The following ARHGAP20 variants were observed in gnomAD, a reference collection of about 807,000 sequenced individuals.
ARHGAP20 encodes the protein rho GTPase-activating protein 20.
A neutral mutation model predicts 73.7 loss-of-function variants in ARHGAP20; 34 were observed. That is an observed-to-expected ratio of 0.46 (90% CI 0.35 to 0.61). ARHGAP20 has a LOEUF of 0.61. ARHGAP20 is among the 20% of genes least tolerant of loss of function. The probability of loss-of-function intolerance (pLI) is 0.00; values close to 1 mark genes in which losing one functional copy is unlikely to be tolerated. For synonymous variants in ARHGAP20, 523 were observed against 518.2 expected (o/e 1.01, Z -0.13); for missense variants, 1,314 against 1,420.9 (o/e 0.92, Z 1.21).
At chr11:110,648,176 T>TC (rs1565457279) in intron 2 of ARHGAP20, among the ~76,000 whole-genome samples, 3 of 91,620 alleles carry the variant, frequency 3.3e-5, no homozygotes, top group African/African-American at 1.3e-4. Flanking sequence ...TATGTAAATA[T>TC]ATATATATAT....
intron 2 of ARHGAP20, among the ~76,000 whole-genome samples, chr11:110,662,494 T>G (rs1184939222): frequency 1.3e-5 from 2 of 151,930 alleles, no homozygotes; most frequent in African/African-American, 4.8e-5. Context: ...AAAACAAATC[T>G]TAAACAATTT....
intron 2 of ARHGAP20, among the ~76,000 whole-genome samples, chr11:110,681,151 T>A (rs1950029585): frequency 6.6e-6 from 1 of 152,210 alleles, no homozygotes; most frequent in East Asian, 1.9e-4. Flanking sequence ...TAGAGCCAAT[T>A]GGCATGTTAT....
chr11:110,657,673 T>C (rs942438538), intron 2 of ARHGAP20, among the ~76,000 whole-genome samples: 2 of 152,036 alleles, frequency 1.3e-5, no homozygotes, highest in East Asian at 3.9e-4. Context: ...GGTGGGCAGA[T>C]CACCTTAGGC....
chr11:110,615,884 G>C (rs1053986333), intron 4 of ARHGAP20, among the ~76,000 whole-genome samples: 3 of 152,136 alleles, frequency 2.0e-5, no homozygotes, highest in Non-Finnish European at 4.4e-5. Flanking sequence ...ATATCAGTGT[G>C]AGAGAGTTCC....
At chr11:110,612,068 C>A (rs953714560) in intron 6 of ARHGAP20, among the ~76,000 whole-genome samples, 5 of 152,084 alleles carry the variant, frequency 3.3e-5, no homozygotes, top group African/African-American at 1.2e-4. Flanking sequence ...AATACAATAT[C>A]TGTAATAGCT....
rs1244968475 is a variant in ARHGAP20, at chr11:110,677,635, ACT to A, written c.188+12910_188+12911del. On this transcript the variant is annotated intron_variant, in intron 2 of 14. Coordinates refer to ENST00000683387, the MANE Select transcript of ARHGAP20 (RefSeq NM_001384657.1). ...ACTCCAGCCTGAGTGACAGAGCAAG[ACT>A]CTGTCTCAGGAAAAACAAACAAATA... 3.3e-5 allele frequency among the ~76,000 whole-genome samples: 5 copies of A among 151,480 alleles called. No homozygotes were observed. The South Asian group carries it at 8.3e-4, about 25-fold the overall frequency.
chr11:110,638,321 T>A (rs956562138), intron 2 of ARHGAP20, among the ~76,000 whole-genome samples: 1 of 151,918 alleles, frequency 6.6e-6, no homozygotes, highest in African/African-American at 2.4e-5. Flanking sequence ...TAAGCAAATA[T>A]TCAAAAATTA....
rs371377120 is a variant in ARHGAP20 at position 110,579,321 on chromosome 11, T to C, written c.*49A>G. ...AGGGGTCATAATAATTATTGTCTATTATTATTAACCCAGTTCCTGTTCTTG... is the reference window on the plus strand; with the variant it reads ...AGGGGTCATAATAATTATTGTCTATCATTATTAACCCAGTTCCTGTTCTTG... On this transcript the variant is annotated 3_prime_UTR_variant, in exon 15 of 15. Transcript: ENST00000683387. 60 of 1,514,922 alleles carry C rather than the reference T, an allele frequency of 4.0e-5. No individual in the cohort carries two copies. The Middle Eastern group carries it at 7.2e-4, about 18-fold the overall frequency. The allele number at this position is 1,514,922 out of a possible 1,614,324, so 93.8% of individuals were successfully genotyped here.
In ARHGAP20 at chr11:110,579,819, C is replaced by T. The variant is rs776441588; in HGVS notation, c.3127G>A (p.Ala1043Thr). The T allele has an allele frequency of 1.2e-6, 2 of 1,614,100 alleles. No homozygotes were observed. Among genetic ancestry groups the T allele is most frequent in the South Asian group, 2.2e-5 (2 of 91,086 alleles). ...TTGAGGGACCAGTTTTTCAAACTGG[C>T]CACACCATTTCTCAACCATGTGCTG... ...HPSTWLRNGV[A>T]SLKNWSLKKK... The change falls in exon 15 of 15, where the codon GCC (alanine) becomes ACC (threonine). Residue 1043 changes from alanine (A) to threonine (T), a missense_variant. Coordinates refer to ENST00000683387, the MANE Select transcript of ARHGAP20 (RefSeq NM_001384657.1).
chr11:110,696,677 G>A (rs1350559190), intron 1 of ARHGAP20, among the ~76,000 whole-genome samples: 1 of 151,586 alleles, frequency 6.6e-6, no homozygotes, highest in Non-Finnish European at 1.5e-5. Flanking sequence ...TACCCAAATA[G>A]TGAACATTGT....
At chr11:110,589,437 G>C in intron 11 of ARHGAP20, 1 of 985,436 alleles carries the variant, frequency 1.0e-6, no homozygotes, top group South Asian at 4.7e-5. Flanking sequence ...CACTCAGCTG[G>C]AGTAGGGGTA....
chr11:110,688,597 C>T (rs1591179379), intron 2 of ARHGAP20, among the ~76,000 whole-genome samples: 1 of 152,030 alleles, frequency 6.6e-6, no homozygotes, highest in Admixed American at 6.6e-5. Flanking sequence ...CCTCTATCCA[C>T]CTCCCCTAAA....
chr11:110,676,244 C>T (rs1317143963), intron 2 of ARHGAP20, among the ~76,000 whole-genome samples: 1 of 152,136 alleles, frequency 6.6e-6, no homozygotes, highest in Non-Finnish European at 1.5e-5. Flanking sequence ...TTTTAAAATA[C>T]ATAAACTTTG....
At chr11:110,586,813 C>G (rs1947680593) in intron 11 of ARHGAP20, among the ~76,000 whole-genome samples, 1 of 152,134 alleles carries the variant, frequency 6.6e-6, no homozygotes, top group Non-Finnish European at 1.5e-5. Flanking sequence ...AAAACAAAGT[C>G]TCTGTTATCT....
At chr11:110,690,304 C>A (rs893263760) in intron 2 of ARHGAP20, among the ~76,000 whole-genome samples, 2 of 152,100 alleles carry the variant, frequency 1.3e-5, no homozygotes, top group East Asian at 1.9e-4. Flanking sequence ...GTGGAACTTG[C>A]AAGTTTATAT....
chr11:110,673,591 G>A (rs896329499), intron 2 of ARHGAP20, among the ~76,000 whole-genome samples: 2 of 152,106 alleles, frequency 1.3e-5, no homozygotes, highest in Non-Finnish European at 2.9e-5. Flanking sequence ...ATTACACTAA[G>A]CAGTGTAATT....
intron 10 of ARHGAP20, among the ~76,000 whole-genome samples, chr11:110,591,219 A>G (rs1402691306): frequency 6.6e-6 from 1 of 152,214 alleles, no homozygotes; most frequent in Admixed American, 6.5e-5. Flanking sequence ...GGTTTTGAAG[A>G]CAAGCAATCC....
intron 2 of ARHGAP20, among the ~76,000 whole-genome samples, chr11:110,659,900 G>A (rs538120821): frequency 1.0e-3 from 152 of 151,114 alleles, no homozygotes; most frequent in African/African-American, 3.5e-3. Flanking sequence ...TCTGAGGACT[G>A]TTGTGGGGTG....
intron 1 of ARHGAP20, among the ~76,000 whole-genome samples, chr11:110,697,298 T>A (rs1162741265): frequency 6.6e-6 from 1 of 151,856 alleles, no homozygotes; most frequent in Non-Finnish European, 1.5e-5. Flanking sequence ...TAAGACAATA[T>A]CTCATTGTAG....
Sources: allele counts gnomAD v4.1 joint callset (sites outside exome capture counted in the v4.1 genomes callset), GRCh38; gene constraint gnomAD v4.1.1; transcripts MANE v1.5; gene names NCBI Gene and HGNC (gene_info 2026-07-23, HGNC 2026-07-21).